Variants in RNF121 observed in about 807,000 individuals in gnomAD.
The protein encoded by RNF121 is ring finger protein 121, also known as E3 ubiquitin ligase RNF121.
RNF121 carries 21 observed loss-of-function variants against 46.5 expected under a neutral mutation model. The observed-to-expected ratio is 0.45, with a 90% confidence interval of 0.32 to 0.65. The LOEUF (loss-of-function observed/expected upper bound fraction) is 0.65. Among genes scored for constraint, RNF121 ranks in the 30% least tolerant of loss-of-function variants. The pLI is 0.04. For missense variants in RNF121, 346 were observed against 416.0 expected, an observed-to-expected ratio of 0.83 and a Z score of 1.46; for synonymous variants, 139 against 144.7, an observed-to-expected ratio of 0.96 and a Z score of 0.28.
At chr11:71,971,026 G>A (rs1954408987) in intron 3 of RNF121, among the ~76,000 whole-genome samples, 1 of 152,176 alleles carries the variant, frequency 6.6e-6, no homozygotes. Context: ...ACATAATACT[G>A]AATACAAAGG....
intron 1 of RNF121, among the ~76,000 whole-genome samples, chr11:71,952,438 T>TAC (rs1031115176): frequency 8.5e-5 from 13 of 152,346 alleles, no homozygotes; most frequent in Non-Finnish European, 1.5e-4. Flanking sequence ...TCGAATAGTA[T>TAC]ACTTAATTTT....
At chr11:71,949,494 C>T (rs1255728050) in intron 1 of RNF121, among the ~76,000 whole-genome samples, 1 of 152,126 alleles carries the variant, frequency 6.6e-6, no homozygotes, top group African/African-American at 2.4e-5. Flanking sequence ...GCAGGCAGAT[C>T]ACTTGAGGTC....
At chr11:71,990,389 C>T (rs1334556410) in intron 5 of RNF121, among the ~76,000 whole-genome samples, 1 of 152,230 alleles carries the variant, frequency 6.6e-6, no homozygotes, top group Admixed American at 6.5e-5. Flanking sequence ...TTGGTCTTCA[C>T]AGCCTACAGT....
chr11:71,971,443 G>C (rs572184295), intron 3 of RNF121, among the ~76,000 whole-genome samples: 20 of 152,070 alleles, frequency 1.3e-4, no homozygotes, highest in Non-Finnish European at 2.6e-4. Context: ...AGAAAGATTC[G>C]ATAAATTTGA....
Position 71,990,704 on chromosome 11 carries a change from C to T in RNF121, c.614C>T (p.Ala205Val), listed in dbSNP as rs1193445767. The change falls in exon 6 of 9, where the codon GCA becomes GTA. Residue 205 changes from alanine (A) to valine (V), a missense_variant. Around this residue, in one of 2 missense-constraint regions of RNF121, gnomAD observed 286 missense variants for 383.8 expected, o/e 0.75. Transcript: ENST00000361756. ...DFAEMCADYM[A>V]STIGFYSESG... The stretch of plus-strand genomic sequence containing the variant: ...GCAGAAATGTGTGCAGACTACATGG[C>T]ATCTACCATAGGGGTAAGTTCATCC... 2 of 1,613,988 alleles carry T rather than the reference C, an allele frequency of 1.2e-6. No homozygotes were observed. The highest frequency in any genetic ancestry group is 1.7e-6 in the Non-Finnish European group (2 of 1,179,992).
intron 3 of RNF121, among the ~76,000 whole-genome samples, chr11:71,972,200 T>TA (rs1954435514): frequency 6.6e-6 from 1 of 152,042 alleles, no homozygotes; most frequent in African/African-American, 2.4e-5. Flanking sequence ...CATGAACAGG[T>TA]ACAAACAAAA....
At chr11:71,942,946 A>C (rs1054530952) in intron 1 of RNF121, among the ~76,000 whole-genome samples, 1 of 152,128 alleles carries the variant, frequency 6.6e-6, no homozygotes, top group Non-Finnish European at 1.5e-5. Context: ...CTGTGTCTTC[A>C]CATGGCAGAA....
At chr11:71,972,132 A>G (rs977888311) in intron 3 of RNF121, among the ~76,000 whole-genome samples, 3 of 152,180 alleles carry the variant, frequency 2.0e-5, no homozygotes, top group African/African-American at 7.2e-5. Context: ...AAACAGAAAG[A>G]TGTGTAACAC....
At chr11:71,967,247 G>T (rs1954299128) in intron 3 of RNF121, among the ~76,000 whole-genome samples, 3 of 146,230 alleles carry the variant, frequency 2.1e-5, no homozygotes, top group South Asian at 2.1e-4. Context: ...TAATATTTAT[G>T]TTTTTTAAAT....
chr11:71,995,332 C>T, intron 7 of RNF121, 118 bp from the exon 8 acceptor site: 1 of 776,662 alleles, frequency 1.3e-6, no homozygotes, highest in Non-Finnish European at 2.2e-6. Flanking sequence ...GACACAGGGA[C>T]TTGCCCAACA....
At chr11:71,935,424 G>A (rs1010809235) in intron 1 of RNF121, among the ~76,000 whole-genome samples, 3 of 152,142 alleles carry the variant, frequency 2.0e-5, no homozygotes, top group Admixed American at 6.5e-5. Context: ...TAACCACAAC[G>A]GGCAATATGA....
chr11:71,973,156 A>G (rs1954456059), intron 3 of RNF121, among the ~76,000 whole-genome samples: 1 of 151,952 alleles, frequency 6.6e-6, no homozygotes, highest in Admixed American at 6.5e-5. Flanking sequence ...TTTGCACTCC[A>G]GCCTAGGCAA....
At chr11:71,975,599 T>C (rs1264459090) in intron 3 of RNF121, among the ~76,000 whole-genome samples, 1 of 152,202 alleles carries the variant, frequency 6.6e-6, no homozygotes, top group African/African-American at 2.4e-5. Context: ...GTTATTTGTT[T>C]CTCCTCAGTA....
intron 7 of RNF121, 89 bp from the exon 8 acceptor site, chr11:71,995,361 G>T: frequency 9.8e-7 from 1 of 1,017,032 alleles, no homozygotes; most frequent in South Asian, 1.4e-5. Flanking sequence ...CTGATAAAGA[G>T]CGAAGGCAGG....
intron 1 of RNF121, among the ~76,000 whole-genome samples, chr11:71,929,564 T>C (rs984193104): frequency 3.9e-5 from 6 of 151,984 alleles, no homozygotes; most frequent in Non-Finnish European, 8.8e-5. Flanking sequence ...GCTAATCCAC[T>C]AGTAGTATAG....
chr11:71,964,995 T>C (rs149037029), intron 3 of RNF121, among the ~76,000 whole-genome samples: 19 of 152,330 alleles, frequency 1.2e-4, no homozygotes, highest in African/African-American at 3.6e-4. Flanking sequence ...GTTTTCATTC[T>C]GCAAAAGTTA....
chr11:71,929,245 T>A (rs918785957), intron 1 of RNF121, 121 bp downstream of exon 1: 3 of 1,429,602 alleles, frequency 2.1e-6, no homozygotes, highest in Non-Finnish European at 2.8e-6. Flanking sequence ...AGGAGCTGAC[T>A]AGGGGGCGGG....
rs770159635 is a variant in RNF121, at chr11:71,996,279, A to G, written c.948A>G (p.Val316=). ...LVAWQPVIIG[V]VQGINYILGL... is the part of the protein sequence containing the mutation. Reference sequence around the variant, plus strand: ...CCTGGCAGCCTGTCATCATTGGTGTAGTCCAAGGCATCAACTACATCCTGG... The same window carrying G: ...CCTGGCAGCCTGTCATCATTGGTGTGGTCCAAGGCATCAACTACATCCTGG... The change falls in exon 9 of 9, where the codon GTA becomes GTG. Residue 316 remains valine, a synonymous_variant. Coordinates refer to ENST00000361756, the MANE Select transcript of RNF121 (RefSeq NM_018320.5). The G allele has an allele frequency of 1.9e-6, 3 of 1,614,198 alleles. No individual in the cohort carries two copies. The East Asian group carries it at 6.7e-5, about 36-fold the overall frequency.
At chr11:71,949,937 G>A (rs182697033) in intron 1 of RNF121, among the ~76,000 whole-genome samples, 5 of 151,998 alleles carry the variant, frequency 3.3e-5, no homozygotes, top group Admixed American at 6.6e-5. Flanking sequence ...GGAGGCAGAC[G>A]TTGCAGTGAG....
Sources: allele counts gnomAD v4.1 joint callset (sites outside exome capture counted in the v4.1 genomes callset), GRCh38; gene constraint gnomAD v4.1.1; regional missense constraint gnomAD v4.1.1; transcripts MANE v1.5; gene names NCBI Gene and HGNC (gene_info 2026-07-23, HGNC 2026-07-21).